The following EAPP variants were observed in gnomAD, a reference collection of about 807,000 sequenced individuals.
The protein encoded by EAPP is E2F associated phosphoprotein, also known as E2F-associated phosphoprotein.
A neutral mutation model predicts 34.3 loss-of-function variants in EAPP; 38 were observed. That is an observed-to-expected ratio of 1.11 (90% CI 0.85 to 1.45). EAPP has a LOEUF of 1.45. Ranked by LOEUF, EAPP falls within the 40% of genes most tolerant of loss-of-function variation. EAPP has a pLI of 0.00. For missense variants in EAPP, 338 were observed against 343.7 expected, an observed-to-expected ratio of 0.98 and a Z score of 0.13; for synonymous variants, 113 against 117.6, an observed-to-expected ratio of 0.96 and a Z score of 0.25.
intron 4 of EAPP, among the ~76,000 whole-genome samples, chr14:34,525,878 G>C (rs899015653): frequency 2.0e-5 from 3 of 151,738 alleles, no homozygotes; most frequent in Admixed American, 6.6e-5. Context: ...AAATTAGCTG[G>C]GCGTGGTGGC....
At position 34,516,593 on chromosome 14, in the gene EAPP, G is replaced by T. The variant is rs755944770; in HGVS notation, c.582-7C>A. On this transcript the variant is annotated splice_region_variant and splice_polypyrimidine_tract_variant and intron_variant, in intron 5 of 5. Transcript: ENST00000250454. ...AGTTTTGTATGATTCATGCCTAAGAGAAAAATGAAATGGAGAATTGGGGTT... is the reference window on the plus strand; with the variant it reads ...AGTTTTGTATGATTCATGCCTAAGATAAAAATGAAATGGAGAATTGGGGTT... 1.3e-6 allele frequency: 2 copies of T among 1,595,394 alleles called. No homozygotes were observed. Among genetic ancestry groups the T allele is most frequent in the Non-Finnish European group, 8.5e-7 (1 of 1,173,112 alleles).
At chr14:34,538,091 C>A (rs1594673425) in intron 1 of EAPP, among the ~76,000 whole-genome samples, 1 of 152,022 alleles carries the variant, frequency 6.6e-6, no homozygotes, top group Admixed American at 6.6e-5. Flanking sequence ...AAAAATGATA[C>A]AACAGTCCTG....
In EAPP at chr14:34,517,250, T is replaced by TTC. The variant is rs201924407; in HGVS notation, c.582-665_582-664insGA. On this transcript the variant is annotated intron_variant, in intron 5 of 5. Coordinates refer to ENST00000250454, the MANE Select transcript of EAPP (RefSeq NM_018453.4). ...ACCGCACCCAGACGATTCTATTTCT[T>TTC]TTTTTTTTTTTTTTTGAGATGGGGT... 1.5e-3 allele frequency among the ~76,000 whole-genome samples: 199 copies of TTC among 132,222 alleles called. 1 individual carries two copies. The highest frequency in any genetic ancestry group is 4.2e-3 in the African/African-American group (143 of 34,440). The allele number at this position is 132,222 out of a possible 152,430, so 86.7% of individuals were successfully genotyped here. A position where few individuals can be genotyped will look rare whatever the true frequency, so the allele number is the denominator to read the frequency against.
intron 4 of EAPP, among the ~76,000 whole-genome samples, chr14:34,525,943 C>A (rs1880080597): frequency 1.3e-5 from 2 of 151,638 alleles, no homozygotes; most frequent in African/African-American, 4.8e-5. Flanking sequence ...TCGGTTGAAC[C>A]CAGGAGACGG....
At chr14:34,539,412 C>T (rs1367954462) in intron 1 of EAPP, 143 bp downstream of exon 1, 1 of 888,020 alleles carries the variant, frequency 1.1e-6, no homozygotes, top group Admixed American at 2.0e-5. Context: ...TCAGGAAAGC[C>T]CTTTGGCTTC....
At chr14:34,525,074 A>C (rs998793218) in intron 4 of EAPP, among the ~76,000 whole-genome samples, 18 of 152,212 alleles carry the variant, frequency 1.2e-4, no homozygotes, top group African/African-American at 4.3e-4. Context: ...GAAACTGAGC[A>C]ACAAAATAAA....
rs1880602346 is a variant in EAPP at position 34,539,683 on chromosome 14, C to G, written c.-55G>C. Reference sequence around the variant, plus strand: ...AAGCAATTTGCAGCGTCTCTGTTTACACTGCAAGTCCAGTCCCTAAAGCGC... The same window carrying G: ...AAGCAATTTGCAGCGTCTCTGTTTAGACTGCAAGTCCAGTCCCTAAAGCGC... On this transcript the variant is annotated 5_prime_UTR_variant, in exon 1 of 6. Coordinates refer to ENST00000250454, the MANE Select transcript of EAPP (RefSeq NM_018453.4). The G allele has an allele frequency of 6.8e-7, 1 of 1,480,784 alleles. No individual in the cohort carries two copies. Among genetic ancestry groups the G allele is most frequent in the African/African-American group, 1.4e-5 (1 of 71,208 alleles). The allele number at this position is 1,480,784 out of a possible 1,614,324, so 91.7% of individuals were successfully genotyped here. A position where few individuals can be genotyped will look rare whatever the true frequency, so the allele number is the denominator to read the frequency against.
chr14:34,536,356 C>T, intron 1 of EAPP, 81 bp from the exon 2 acceptor site: 3 of 1,130,378 alleles, frequency 2.7e-6, no homozygotes, highest in Non-Finnish European at 3.6e-6. Flanking sequence ...CACTGTCCAA[C>T]AACAATTTTA....
intron 3 of EAPP, among the ~76,000 whole-genome samples, chr14:34,531,749 T>C (rs1880299741): frequency 6.6e-6 from 1 of 151,858 alleles, no homozygotes; most frequent in Non-Finnish European, 1.5e-5. Context: ...GTTTTAGCTC[T>C]TGTTATGTTC....
chr14:34,536,458 ATTTTTTTT>A (rs5807779), intron 1 of EAPP, 183 bp from the exon 2 acceptor site: 131 of 129,628 alleles, frequency 1.0e-3, no homozygotes, highest in Middle Eastern at 3.1e-3. Flanking sequence ...ATCTTCTTTA[ATTTTTTTT>A]TTTTTTTTTT....
chr14:34,523,527 T>G (rs1367721372), intron 5 of EAPP, among the ~76,000 whole-genome samples: 1 of 57,822 alleles, frequency 1.7e-5, no homozygotes. Flanking sequence ...GCCCAGCCCG[T>G]TTTTTTTTTT....
chr14:34,534,788 G>C (rs940047551), intron 2 of EAPP, among the ~76,000 whole-genome samples: 3 of 151,822 alleles, frequency 2.0e-5, no homozygotes, highest in African/African-American at 7.3e-5. Flanking sequence ...GATCACTTGA[G>C]CCAGGAGTTT....
intron 2 of EAPP, among the ~76,000 whole-genome samples, chr14:34,534,817 A>C (rs1880412193): frequency 6.7e-6 from 1 of 149,872 alleles, no homozygotes; most frequent in Admixed American, 6.8e-5. Context: ...CCTGGGCAAC[A>C]TAGTGAGACC....
chr14:34,536,215 G>A lies in EAPP; in HGVS notation c.135C>T (p.Ile45=). The A allele has an allele frequency of 6.2e-7, 1 of 1,612,296 alleles. No individual in the cohort carries two copies. Among genetic ancestry groups the A allele is most frequent in the Non-Finnish European group, 8.5e-7 (1 of 1,179,422 alleles). ...CACTTTCTCCGGTAAGACATTCTCTGATGAGTTTTCGTTTTTGGTCAGGAG... is the reference window on the plus strand; with the variant it reads ...CACTTTCTCCGGTAAGACATTCTCTAATGAGTTTTCGTTTTTGGTCAGGAG... ...HGTPDQKRKL[I]RECLTGESES... Residue 45 remains isoleucine, a synonymous_variant, in exon 2 of 6, where the codon ATC becomes ATT. Coordinates refer to ENST00000250454, the MANE Select transcript of EAPP (RefSeq NM_018453.4).
chr14:34,530,518 A>G (rs904086722), intron 3 of EAPP, among the ~76,000 whole-genome samples: 1 of 152,042 alleles, frequency 6.6e-6, no homozygotes, highest in Non-Finnish European at 1.5e-5. Context: ...TAAGAGTGAG[A>G]CCTATCTCTA....
intron 4 of EAPP, 112 bp from the exon 5 acceptor site, chr14:34,524,919 A>C: frequency 1.3e-6 from 1 of 753,008 alleles, no homozygotes; most frequent in Non-Finnish European, 2.2e-6. Flanking sequence ...GGCTAATTCT[A>C]GGAATAAGGA....
intron 2 of EAPP, chr14:34,535,759 C>G (rs1880452271): frequency 5.5e-6 from 1 of 180,804 alleles, no homozygotes; most frequent in South Asian, 1.3e-4. Context: ...TATCTGGGCA[C>G]AGTGGTACAT....
chr14:34,534,423 C>T (rs897673351), intron 2 of EAPP, among the ~76,000 whole-genome samples: 1 of 152,136 alleles, frequency 6.6e-6, no homozygotes, highest in Non-Finnish European at 1.5e-5. Flanking sequence ...TGAGCCACTG[C>T]ACCCGGCAGA....
Position 34,529,356 on chromosome 14 carries a change from A to G in EAPP, c.470+2T>C. 4.6e-6 allele frequency: 7 copies of G among 1,510,850 alleles called. No homozygotes were observed. The highest frequency in any genetic ancestry group is 5.5e-6 in the Non-Finnish European group (6 of 1,092,472). 93.6% of individuals were successfully genotyped at this position (1,510,850 alleles called of 1,614,324 possible). On this transcript the variant is annotated splice_donor_variant, in intron 4 of 5. Transcript: ENST00000250454. LOFTEE classifies it high-confidence loss of function. ...TTCTAAATATTAACTTTAAGTTCTT[A>G]CCCCCTTCTCTGTGCATCAACCCAG...
Sources: allele counts gnomAD v4.1 joint callset (sites outside exome capture counted in the v4.1 genomes callset), GRCh38; gene constraint gnomAD v4.1.1; transcripts MANE v1.5; gene names NCBI Gene and HGNC (gene_info 2026-07-23, HGNC 2026-07-21).